PRKCA: variants seen among roughly 807,000 people sequenced by gnomAD.
PRKCA encodes the protein protein kinase C alpha.
Under a neutral mutation model 87.0 loss-of-function variants are expected in PRKCA, and 27 were observed. That is an observed-to-expected ratio of 0.31 (90% CI 0.23 to 0.43). PRKCA has a LOEUF of 0.43. PRKCA is among the 20% of genes least tolerant of loss of function. PRKCA has a pLI of 1.00. For synonymous variants in PRKCA, 329 were observed against 311.1 expected, an observed-to-expected ratio of 1.06 and a Z score of -0.61; for missense variants, 518 against 852.3, an observed-to-expected ratio of 0.61 and a Z score of 4.88.
At chr17:66,444,728 G>T (rs1238010842) in intron 2 of PRKCA, among the ~76,000 whole-genome samples, 1 of 152,186 alleles carries the variant, frequency 6.6e-6, no homozygotes, top group Non-Finnish European at 1.5e-5. Flanking sequence ...TTGTCTGCCT[G>T]TGTAAGAGTT....
chr17:66,308,111 C>T (rs1448331921), intron 2 of PRKCA, among the ~76,000 whole-genome samples: 1 of 152,120 alleles, frequency 6.6e-6, no homozygotes, highest in Non-Finnish European at 1.5e-5. Context: ...TTCGTTCTTA[C>T]TAGTACAAAT....
In PRKCA at chr17:66,558,769, C is replaced by T. The variant is rs77555585; in HGVS notation, c.288+62486C>T. Among the ~76,000 whole-genome samples the T allele has an allele frequency of 8.3e-3, 1,255 of 152,062 alleles. 11 individuals carry two copies. Among genetic ancestry groups the T allele is most frequent in the Non-Finnish European group, 0.014 (956 of 67,968 alleles). ...GTTGGCAATTGCAGTTGTTTTAGTC[C>T]AAGATGATGATACCCGCAGCTGGGG... On this transcript the variant is annotated intron_variant, in intron 3 of 16. Coordinates refer to ENST00000413366, the MANE Select transcript of PRKCA (RefSeq NM_002737.3).
At chr17:66,697,562 A>T (rs776495330) in intron 8 of PRKCA, among the ~76,000 whole-genome samples, 3 of 152,218 alleles carry the variant, frequency 2.0e-5, no homozygotes, top group African/African-American at 7.2e-5. Context: ...AAGCAAGAGC[A>T]TAGTAAGTAA....
At chr17:66,581,585 C>A (rs1969434252) in intron 3 of PRKCA, among the ~76,000 whole-genome samples, 1 of 152,178 alleles carries the variant, frequency 6.6e-6, no homozygotes, top group South Asian at 2.1e-4. Flanking sequence ...ATGCCATTCT[C>A]CTGCCTCAGC....
intron 3 of PRKCA, among the ~76,000 whole-genome samples, chr17:66,566,274 A>G (rs1420290624): frequency 4.6e-5 from 7 of 152,172 alleles, no homozygotes; most frequent in Non-Finnish European, 4.4e-5. Context: ...TCTGTTGCCC[A>G]TCTCAAAGTT....
intron 2 of PRKCA, among the ~76,000 whole-genome samples, chr17:66,491,823 A>G (rs1324347592): frequency 1.3e-5 from 2 of 152,230 alleles, no homozygotes; most frequent in African/African-American, 4.8e-5. Context: ...CTTGGACCCA[A>G]AGATCAAGGC....
chr17:66,655,050 G>T (rs945228035), intron 5 of PRKCA, among the ~76,000 whole-genome samples: 1 of 152,198 alleles, frequency 6.6e-6, no homozygotes, highest in Non-Finnish European at 1.5e-5. Flanking sequence ...GCAGTCACCT[G>T]CCTTGAGTTC....
chr17:66,443,233 TG>T (rs1294201554), intron 2 of PRKCA, among the ~76,000 whole-genome samples: 1 of 152,220 alleles, frequency 6.6e-6, no homozygotes, highest in East Asian at 1.9e-4. Flanking sequence ...TTTCTATGCC[TG>T]TCTGTTCAAT....
intron 3 of PRKCA, among the ~76,000 whole-genome samples, chr17:66,623,027 A>G (rs932652243): frequency 6.6e-6 from 1 of 152,196 alleles, no homozygotes; most frequent in African/African-American, 2.4e-5. Flanking sequence ...TCTGCTGCTT[A>G]TTTAGTTTTT....
intron 2 of PRKCA, among the ~76,000 whole-genome samples, chr17:66,480,754 C>T (rs956622510): frequency 6.6e-6 from 1 of 151,342 alleles, no homozygotes; most frequent in Non-Finnish European, 1.5e-5. Context: ...TTTCCCTCAC[C>T]CACAGGAGCT....
intron 3 of PRKCA, among the ~76,000 whole-genome samples, chr17:66,533,859 G>T (rs893450740): frequency 6.6e-6 from 1 of 152,122 alleles, no homozygotes; most frequent in South Asian, 2.1e-4. Flanking sequence ...CAGACAAGCC[G>T]GCTTCTCAGG....
At chr17:66,775,810 C>A (rs973747673) in intron 14 of PRKCA, 4 of 963,160 alleles carry the variant, frequency 4.2e-6, no homozygotes, top group Non-Finnish European at 4.9e-6. Flanking sequence ...ATGAACAAAA[C>A]AGACGAGAAT....
intron 2 of PRKCA, among the ~76,000 whole-genome samples, chr17:66,432,145 C>G (rs1383145433): frequency 1.3e-5 from 2 of 152,170 alleles, no homozygotes; most frequent in African/African-American, 2.4e-5. Flanking sequence ...TCAGTGGCAG[C>G]TTTCCTCAGC....
intron 2 of PRKCA, among the ~76,000 whole-genome samples, chr17:66,436,105 G>A (rs1913378750): frequency 1.3e-5 from 2 of 152,152 alleles, no homozygotes; most frequent in South Asian, 4.1e-4. Flanking sequence ...AAGTTACCAG[G>A]ATTTGTTCAA....
intron 3 of PRKCA, among the ~76,000 whole-genome samples, chr17:66,511,828 A>T (rs1331607469): frequency 6.6e-6 from 1 of 151,822 alleles, no homozygotes; most frequent in Non-Finnish European, 1.5e-5. Context: ...TTACAGGTGC[A>T]CACCACCACA....
At chr17:66,592,831 C>A (rs1040453944) in intron 3 of PRKCA, among the ~76,000 whole-genome samples, 1 of 152,218 alleles carries the variant, frequency 6.6e-6, no homozygotes, top group African/African-American at 2.4e-5. Context: ...CTCGCTCTGT[C>A]GCCCAGGCTG....
intron 2 of PRKCA, among the ~76,000 whole-genome samples, chr17:66,414,780 CAG>C (rs1332355400): frequency 2.0e-5 from 3 of 152,090 alleles, no homozygotes; most frequent in Non-Finnish European, 4.4e-5. Flanking sequence ...TAGAAAAAGT[CAG>C]GGGCTGGTTT....
intron 2 of PRKCA, among the ~76,000 whole-genome samples, chr17:66,345,646 C>A (rs1349152842): frequency 6.6e-6 from 1 of 152,108 alleles, no homozygotes; most frequent in Non-Finnish European, 1.5e-5. Context: ...AGGTGGCTGA[C>A]TGTACGACAG....
At chr17:66,555,260 G>T (rs1187771933) in intron 3 of PRKCA, among the ~76,000 whole-genome samples, 1 of 152,210 alleles carries the variant, frequency 6.6e-6, no homozygotes, top group East Asian at 1.9e-4. Flanking sequence ...GCTTGCTTAT[G>T]AAGGGCTGTT....
Sources: allele counts gnomAD v4.1 joint callset (sites outside exome capture counted in the v4.1 genomes callset), GRCh38; gene constraint gnomAD v4.1.1; transcripts MANE v1.5; gene names NCBI Gene and HGNC (gene_info 2026-07-23, HGNC 2026-07-21).